Variants in POLR1E observed in about 807,000 individuals in gnomAD.
The protein encoded by POLR1E is RNA polymerase I subunit E.
In POLR1E, 37 loss-of-function variants were observed where a neutral mutation model predicts 50.9. That is an observed-to-expected ratio of 0.73 (90% confidence interval 0.56 to 0.96). POLR1E has a LOEUF of 0.96. Ranked by LOEUF, POLR1E falls within the 40% of genes least tolerant of loss-of-function variation. POLR1E has a pLI of 0.00. For synonymous variants in POLR1E, 166 were observed against 191.6 expected, an observed-to-expected ratio of 0.87 and a Z score of 1.10; for missense variants, 426 against 518.1, an observed-to-expected ratio of 0.82 and a Z score of 1.73.
intron 8 of POLR1E, among the ~76,000 whole-genome samples, chr9:37,497,076 C>T (rs1412513874): frequency 2.0e-5 from 3 of 152,192 alleles, no homozygotes; most frequent in Non-Finnish European, 2.9e-5. Flanking sequence ...ACTTGCCCCG[C>T]TGGGCACGGT....
chr9:37,501,991 G>C, intron 11 of POLR1E, 147 bp downstream of exon 11: 14 of 810,830 alleles, frequency 1.7e-5, no homozygotes, highest in East Asian at 2.8e-5. Context: ...TTCAATGAAT[G>C]AATCATTGAC....
rs1820669718 is a variant in POLR1E at position 37,490,777 on chromosome 9, G to A, written c.343+1377G>A. ...CAGTACCCATTCCCTTGATGTCTACGATATCACCTTTCTTATAGATTCACA... is the reference window on the plus strand; with the variant it reads ...CAGTACCCATTCCCTTGATGTCTACAATATCACCTTTCTTATAGATTCACA... On this transcript the variant is annotated intron_variant, in intron 4 of 11. Coordinates refer to ENST00000377798, the MANE Select transcript of POLR1E (RefSeq NM_022490.4). The A allele has an allele frequency of 7.9e-6, 5 of 632,726 alleles. No homozygotes were observed. The Admixed American group carries it at 9.2e-5, about 12-fold the overall frequency. The allele number at this position is 632,726 out of a possible 1,614,324, so 39.2% of individuals were successfully genotyped here.
intron 5 of POLR1E, 87 bp from the exon 6 acceptor site, chr9:37,493,472 T>A (rs1028794751): frequency 6.6e-6 from 8 of 1,219,658 alleles, no homozygotes; most frequent in Non-Finnish European, 8.9e-6. Flanking sequence ...CACTCTGGGA[T>A]GCTGAGAGTA....
At chr9:37,494,638 C>T (rs12377791) in intron 6 of POLR1E, among the ~76,000 whole-genome samples, 32,748 of 151,866 alleles carry the variant, frequency 0.22, 3,697 homozygotes, top group East Asian at 0.26. Context: ...AGGGTCTTGC[C>T]ATGTTGCCTG....
chr9:37,503,102 C>A lies in POLR1E; in HGVS notation c.1160C>A (p.Ala387Asp). Reference sequence around the variant, plus strand: ...ATCTCCAAAAGAAGGGTGTCTGTGGCCGCCGGCAGTGAAGAAGATCACAAG... The same window carrying A: ...ATCTCCAAAAGAAGGGTGTCTGTGGACGCCGGCAGTGAAGAAGATCACAAG... ...LKISKRRVSV[A>D]AGSEEDHKLG... is the part of the protein sequence containing the mutation. Residue 387 changes from alanine (A) to aspartate (D), a missense_variant, in exon 12 of 12, where the codon GCC becomes GAC. By Grantham distance (126) the Ala-to-Asp change is moderately radical. Transcript: ENST00000377798. 6.2e-7 allele frequency: 1 copy of A among 1,614,000 alleles called. No homozygotes were observed. The highest frequency in any genetic ancestry group is 8.5e-7 in the Non-Finnish European group (1 of 1,179,986).
At chr9:37,489,219 C>T in intron 3 of POLR1E, 96 bp from the exon 4 acceptor site, 1 of 929,914 alleles carries the variant, frequency 1.1e-6, no homozygotes, top group Non-Finnish European at 1.6e-6. Context: ...GCCTGGGTGA[C>T]AGCAAGACTC....
At chr9:37,489,435 G>T (rs751900123) in intron 4 of POLR1E, 35 bp downstream of exon 4, 2 of 1,475,004 alleles carry the variant, frequency 1.4e-6, no homozygotes, top group East Asian at 4.8e-5. Context: ...CAGAAATAAT[G>T]CATAGTTTGG....
At chr9:37,500,770 CTT>C in intron 9 of POLR1E, 68 bp from the exon 10 acceptor site, 2 of 1,322,600 alleles carry the variant, frequency 1.5e-6, no homozygotes, top group Non-Finnish European at 2.2e-6. Context: ...GGCCTTTTCT[CTT>C]AGCTCATGGT....
chr9:37,486,517 ACCTC>A, intron 1 of POLR1E, 182 bp from the exon 2 acceptor site: 1 of 1,557,254 alleles, frequency 6.4e-7, no homozygotes, highest in Non-Finnish European at 8.7e-7. Flanking sequence ...GGGTTCTCCC[ACCTC>A]CCTACCTCCT....
At chr9:37,496,426 G>C (rs1310071342) in intron 8 of POLR1E, among the ~76,000 whole-genome samples, 1 of 151,910 alleles carries the variant, frequency 6.6e-6, no homozygotes, top group Non-Finnish European at 1.5e-5. Flanking sequence ...ATAATTCAGA[G>C]ATTATTTCCT....
At position 37,492,681 on chromosome 9, in the gene POLR1E, C is replaced by T. The variant is rs757681346; in HGVS notation, c.368C>T (p.Ala123Val). The T allele has an allele frequency of 6.0e-5, 97 of 1,613,870 alleles. No homozygotes were observed. Among genetic ancestry groups the T allele is most frequent in the Non-Finnish European group, 7.9e-5 (93 of 1,179,922 alleles). ...FSDVSVESEL[A>V]LESQTKTYRE... ...GATGTATCAGTTGAGAGTGAACTGG[C>T]GCTAGAGAGTCAGACCAAAACTTAC... Residue 123 changes from alanine (A) to valine (V), a missense_variant, in exon 5 of 12, where the codon GCG (alanine) becomes GTG (valine). Coordinates refer to ENST00000377798, the MANE Select transcript of POLR1E (RefSeq NM_022490.4).
intron 9 of POLR1E, among the ~76,000 whole-genome samples, chr9:37,498,614 A>G (rs1001796941): frequency 3.3e-5 from 5 of 152,224 alleles, no homozygotes; most frequent in Non-Finnish European, 7.3e-5. Context: ...GAGAGAGCTT[A>G]TGAGTTACAC....
chr9:37,502,848 A>G (rs1820913713), intron 11 of POLR1E, among the ~76,000 whole-genome samples, 195 bp from the exon 12 acceptor site: 1 of 152,156 alleles, frequency 6.6e-6, no homozygotes, highest in Non-Finnish European at 1.5e-5. Context: ...ATTAAAATGA[A>G]ATTGGCTGTC....
At position 37,486,014 on chromosome 9, in the gene POLR1E, C is replaced by T. The variant is rs1183220967; in HGVS notation, c.-34C>T. On this transcript the variant is annotated 5_prime_UTR_variant, in exon 1 of 12. Transcript: ENST00000377798. ...AAAGTGCGCTTGTGGCTGCTGCTGT[C>T]TTAACTCCTGTGCTTGGCGGACAGA... The T allele has an allele frequency of 5.7e-6, 9 of 1,582,494 alleles. No homozygotes were observed. Among genetic ancestry groups the T allele is most frequent in the Non-Finnish European group, 7.7e-6 (9 of 1,166,152 alleles).
chr9:37,492,305 T>C, intron 4 of POLR1E: 1 of 1,298,318 alleles, frequency 7.7e-7, no homozygotes, highest in South Asian at 1.2e-5. Flanking sequence ...AAAGCAAAAT[T>C]ATTTTCTGGA....
At position 37,492,426 on chromosome 9, in the gene POLR1E, A is replaced by T. The variant is rs988065218; in HGVS notation, c.344-231A>T. 8 of 979,498 alleles carry T rather than the reference A, an allele frequency of 8.2e-6. No individual in the cohort carries two copies. The African/African-American group carries it at 1.3e-4, about 16-fold the overall frequency. The allele number at this position is 979,498 out of a possible 1,614,324, so 60.7% of individuals were successfully genotyped here. A position where few individuals can be genotyped will look rare whatever the true frequency, so the allele number is the denominator to read the frequency against. On this transcript the variant is annotated intron_variant, in intron 4 of 11. Coordinates refer to ENST00000377798, the MANE Select transcript of POLR1E (RefSeq NM_022490.4). ...CTGTTTTTTAATTTCTAAAATGAAG[A>T]GGTTGGGCTGGATGACCGCTTGATT... is the stretch of plus-strand genomic sequence containing the variant.
intron 8 of POLR1E, among the ~76,000 whole-genome samples, chr9:37,496,482 G>GT (rs928273382): frequency 1.3e-4 from 20 of 151,192 alleles, no homozygotes; most frequent in African/African-American, 4.4e-4. Flanking sequence ...ATGATAGTGA[G>GT]TTTTTTTTGC....
At chr9:37,492,631 CT>C (rs1369088214) in intron 4 of POLR1E, 25 bp from the exon 5 acceptor site, 1 of 1,610,356 alleles carries the variant, frequency 6.2e-7, no homozygotes, top group Non-Finnish European at 8.5e-7. Flanking sequence ...ACTTTTCTTT[CT>C]CTCTGTTTTT....
chr9:37,494,514 T>C (rs1169522187), intron 6 of POLR1E, among the ~76,000 whole-genome samples: 1 of 152,218 alleles, frequency 6.6e-6, no homozygotes, highest in African/African-American at 2.4e-5. Context: ...CATGGCTCAC[T>C]GCAGCCATAA....
Sources: allele counts gnomAD v4.1 joint callset (sites outside exome capture counted in the v4.1 genomes callset), GRCh38; gene constraint gnomAD v4.1.1; transcripts MANE v1.5; gene names NCBI Gene and HGNC (gene_info 2026-07-23, HGNC 2026-07-21).